Variants in STON1 observed in about 807,000 individuals in gnomAD.
The protein encoded by STON1 is stonin 1.
In STON1, 79 loss-of-function variants were observed where a neutral mutation model predicts 60.9. That is an observed-to-expected ratio of 1.30 (90% confidence interval 1.08 to 1.56). The LOEUF is 1.56. STON1 is among the 40% of genes most tolerant of loss of function. The pLI is 0.00. For synonymous variants in STON1, 363 were observed against 306.9 expected, an observed-to-expected ratio of 1.18 and a Z score of -1.91; for missense variants, 1,166 against 858.9, an observed-to-expected ratio of 1.36 and a Z score of -4.47.
At position 48,596,230 on chromosome 2, in the gene STON1, A is replaced by T. The variant is rs1359522500; in HGVS notation, c.*928A>T. 6.6e-6 allele frequency: 1 copy of T among 152,222 alleles called. No homozygotes were observed. The highest frequency in any genetic ancestry group is 1.5e-5 in the Non-Finnish European group (1 of 68,026). The allele number at this position is 152,222 out of a possible 1,614,324, so 9.4% of individuals were successfully genotyped here. On this transcript the variant is annotated 3_prime_UTR_variant, in exon 4 of 4. Transcript: ENST00000404752. Reference sequence around the variant, plus strand: ...ATGATTATTTTATACTAGTTCTGCTATCATGCTGTTTTATGCTAATTCTGC... The same window carrying T: ...ATGATTATTTTATACTAGTTCTGCTTTCATGCTGTTTTATGCTAATTCTGC...
At chr2:48,582,869 C>T (rs1323916914) in intron 2 of STON1, among the ~76,000 whole-genome samples, 3 of 152,144 alleles carry the variant, frequency 2.0e-5, no homozygotes, top group Admixed American at 6.6e-5. Flanking sequence ...TTGAGATTAA[C>T]GCATCAACTT....
At chr2:48,558,770 C>A (rs760356708) in intron 1 of STON1, among the ~76,000 whole-genome samples, 1 of 152,184 alleles carries the variant, frequency 6.6e-6, no homozygotes, top group Non-Finnish European at 1.5e-5. Flanking sequence ...TGCTCCTGAG[C>A]CAGGGCTGCA....
chr2:48,535,405 C>T (rs1671383754), intron 1 of STON1, among the ~76,000 whole-genome samples: 1 of 152,030 alleles, frequency 6.6e-6, no homozygotes, highest in African/African-American at 2.4e-5. Flanking sequence ...GAAAAAATGC[C>T]CACATCCTGT....
At chr2:48,538,661 G>A (rs1292474621) in intron 1 of STON1, among the ~76,000 whole-genome samples, 2 of 151,076 alleles carry the variant, frequency 1.3e-5, no homozygotes, top group Admixed American at 6.6e-5. Context: ...TGAGTCATGC[G>A]ATCTCGGCTC....
At chr2:48,592,004 C>A (rs1674546506) in intron 3 of STON1, 149 bp downstream of exon 3, 2 of 1,071,368 alleles carry the variant, frequency 1.9e-6, no homozygotes, top group Non-Finnish European at 2.6e-6. Flanking sequence ...AACTTGATGG[C>A]CACCATTGAG....
At chr2:48,549,129 T>C (rs1671986411) in intron 1 of STON1, among the ~76,000 whole-genome samples, 1 of 152,206 alleles carries the variant, frequency 6.6e-6, no homozygotes, top group South Asian at 2.1e-4. Flanking sequence ...TGTGTGGTCA[T>C]TGTACCAAAA....
chr2:48,564,499 TTCTTCTTC>T (rs1672805009), intron 1 of STON1, among the ~76,000 whole-genome samples: 1 of 21,430 alleles, frequency 4.7e-5, no homozygotes, highest in African/African-American at 2.1e-4. Flanking sequence ...CTTCTTCTTC[TTCTTCTTC>T]TTCTTCTTCT....
At position 48,582,090 on chromosome 2, in the gene STON1, A is replaced by G. The variant is rs1673920687; in HGVS notation, c.1457A>G (p.His486Arg). 1 of 1,614,170 alleles carries G rather than the reference A, an allele frequency of 6.2e-7. No individual in the cohort carries two copies. Among genetic ancestry groups the G allele is most frequent in the Non-Finnish European group, 8.5e-7 (1 of 1,180,034 alleles). ...EKKGIDILDY[H>R]FHKCVNVQEF... ...AAGGGGATTGATATTCTTGACTACCATTTTCATAAGTGTGTGAATGTACAA... is the reference window on the plus strand; with the variant it reads ...AAGGGGATTGATATTCTTGACTACCGTTTTCATAAGTGTGTGAATGTACAA... The change falls in exon 2 of 4, where the codon CAT (histidine) becomes CGT (arginine). Residue 486 changes from histidine to arginine, a missense_variant. His to Arg is a conservative substitution (Grantham distance 29, BLOSUM62 0). Transcript: ENST00000404752.
intron 1 of STON1, among the ~76,000 whole-genome samples, chr2:48,578,673 C>T (rs769181763): frequency 1.0e-4 from 15 of 147,818 alleles, no homozygotes; most frequent in Admixed American, 4.1e-4. Flanking sequence ...ACTGCAACCT[C>T]CTCCTCTCAG....
chr2:48,563,131 C>T (rs113650816), intron 1 of STON1, among the ~76,000 whole-genome samples: 211 of 152,342 alleles, frequency 1.4e-3, no homozygotes, highest in African/African-American at 4.9e-3. Context: ...GCAGAGTGCA[C>T]ACTGGGCATC....
intron 1 of STON1, among the ~76,000 whole-genome samples, chr2:48,559,552 A>C (rs1441981975): frequency 1.3e-5 from 2 of 152,190 alleles, no homozygotes; most frequent in East Asian, 1.9e-4. Context: ...AAGTTTCAGC[A>C]TATGAATTTT....
chr2:48,540,587 T>C (rs1671612535), intron 1 of STON1, among the ~76,000 whole-genome samples: 1 of 152,250 alleles, frequency 6.6e-6, no homozygotes, highest in South Asian at 2.1e-4. Flanking sequence ...ACACATCCGC[T>C]TATCTGTATC....
chr2:48,595,475 G>A lies in STON1; in HGVS notation c.*173G>A. On this transcript the variant is annotated 3_prime_UTR_variant, in exon 4 of 4. Coordinates refer to ENST00000404752, the MANE Select transcript of STON1 (RefSeq NM_006873.4). ...TAAAACCGAACAATCTGTATTTTTT[G>A]CTTTTCATGTGTTTTTGTCCTAGGG... 1 of 577,430 alleles carries A rather than the reference G, an allele frequency of 1.7e-6. No homozygotes were observed. Among genetic ancestry groups the A allele is most frequent in the Non-Finnish European group, 3.0e-6 (1 of 332,030 alleles). 35.8% of individuals were successfully genotyped at this position (577,430 alleles called of 1,614,324 possible). A position where few individuals can be genotyped will look rare whatever the true frequency, so the allele number is the denominator to read the frequency against.
intron 1 of STON1, among the ~76,000 whole-genome samples, chr2:48,537,864 A>AAAAAAAAAGG: frequency 6.7e-6 from 1 of 150,164 alleles, no homozygotes; most frequent in Non-Finnish European, 1.5e-5. Flanking sequence ...AAAAAAAAAG[A>AAAAAAAAAGG]AAAAAAAAGG....
At chr2:48,559,274 G>C (rs1299513698) in intron 1 of STON1, among the ~76,000 whole-genome samples, 1 of 152,100 alleles carries the variant, frequency 6.6e-6, no homozygotes. Flanking sequence ...AAATAGCTTA[G>C]ATTGAGTAGC....
rs11125174 is a variant in STON1, at chr2:48,538,333, G to A, written c.-48+8117G>A. Reference sequence around the variant, plus strand: ...CTTAAAATTTGGTAAAACTCATTACGAAATCATCTGAACCACTTATAAAGG... The same window carrying A: ...CTTAAAATTTGGTAAAACTCATTACAAAATCATCTGAACCACTTATAAAGG... On this transcript the variant is annotated intron_variant, in intron 1 of 3. Coordinates refer to ENST00000404752, the MANE Select transcript of STON1 (RefSeq NM_006873.4). 1.6e-4 allele frequency among the ~76,000 whole-genome samples: 25 copies of A among 152,190 alleles called. No homozygotes were observed. The East Asian group carries it at 2.7e-3, about 16-fold the overall frequency.
intron 1 of STON1, among the ~76,000 whole-genome samples, chr2:48,553,512 A>C (rs919844583): frequency 6.9e-6 from 1 of 144,414 alleles, no homozygotes; most frequent in Non-Finnish European, 1.5e-5. Flanking sequence ...TTTGAGGTGG[A>C]GTTTTGCTCT....
chr2:48,535,552 A>G (rs964949955), intron 1 of STON1, among the ~76,000 whole-genome samples: 2 of 152,282 alleles, frequency 1.3e-5, no homozygotes, highest in Admixed American at 1.3e-4. Context: ...TGCCTTAAGA[A>G]GAAGGCTTTC....
chr2:48,573,775 G>A (rs549056792), intron 1 of STON1, among the ~76,000 whole-genome samples: 1 of 152,210 alleles, frequency 6.6e-6, no homozygotes, highest in Non-Finnish European at 1.5e-5. Flanking sequence ...CAAACCAAAT[G>A]TCTATCAACT....
Sources: allele counts gnomAD v4.1 joint callset (sites outside exome capture counted in the v4.1 genomes callset), GRCh38; gene constraint gnomAD v4.1.1; transcripts MANE v1.5; gene names NCBI Gene and HGNC (gene_info 2026-07-23, HGNC 2026-07-21).